The following DCAF5 variants were observed in gnomAD, a reference collection of about 807,000 sequenced individuals.
The protein encoded by DCAF5 is DDB1 and CUL4 associated factor 5, also known as DDB1- and CUL4-associated factor 5.
A neutral mutation model predicts 80.7 loss-of-function variants in DCAF5; 9 were observed. The ratio of observed to expected loss-of-function variants is 0.11; its 90% CI spans 0.07 to 0.19. The LOEUF (loss-of-function observed/expected upper bound fraction) is 0.19, where lower values mean the gene tolerates loss of function less well. DCAF5 is among the 10% of genes least tolerant of loss of function. The pLI is 1.00. For synonymous variants in DCAF5, 433 were observed against 461.9 expected (o/e 0.94, Z 0.80); for missense variants, 842 against 1,205.7 (o/e 0.70, Z 4.47).
intron 5 of DCAF5, among the ~76,000 whole-genome samples, chr14:69,100,102 AATAG>A (rs1425624207): frequency 8.5e-5 from 13 of 152,240 alleles, no homozygotes; most frequent in African/African-American, 2.9e-4. Context: ...TATGCTCAAA[AATAG>A]ATAGTGATAT....
intron 5 of DCAF5, among the ~76,000 whole-genome samples, chr14:69,111,412 T>C (rs2140039370): frequency 6.6e-6 from 1 of 152,348 alleles, no homozygotes; most frequent in South Asian, 2.1e-4. Flanking sequence ...TTTATAGGGA[T>C]TCTCGGCTTG....
At chr14:69,121,893 C>T (rs992352961) in intron 2 of DCAF5, among the ~76,000 whole-genome samples, 2 of 151,948 alleles carry the variant, frequency 1.3e-5, no homozygotes, top group African/African-American at 4.8e-5. Context: ...GAGTGTGCCA[C>T]AAATAGGAAG....
intron 5 of DCAF5, among the ~76,000 whole-genome samples, chr14:69,100,021 T>G (rs1484115197): frequency 6.6e-6 from 1 of 152,172 alleles, no homozygotes; most frequent in Non-Finnish European, 1.5e-5. Context: ...TAAAAGAAAG[T>G]AGATTCATCT....
chr14:69,144,265 T>C (rs1394156621), intron 1 of DCAF5, among the ~76,000 whole-genome samples: 1 of 152,032 alleles, frequency 6.6e-6, no homozygotes, highest in Non-Finnish European at 1.5e-5. Flanking sequence ...ATAATTTTCA[T>C]TGTTATTAAG....
chr14:69,106,467 C>G (rs919942737), intron 5 of DCAF5, among the ~76,000 whole-genome samples: 1 of 152,116 alleles, frequency 6.6e-6, no homozygotes. Flanking sequence ...CTCCTGGGCT[C>G]AAGCGATCCT....
chr14:69,070,515 A>G (rs1175359067), intron 7 of DCAF5, among the ~76,000 whole-genome samples: 1 of 152,254 alleles, frequency 6.6e-6, no homozygotes, highest in Admixed American at 6.5e-5. Context: ...CTATTATGTA[A>G]CTTGCTAAGA....
At chr14:69,147,717 C>A (rs2041581774) in intron 1 of DCAF5, among the ~76,000 whole-genome samples, 1 of 152,144 alleles carries the variant, frequency 6.6e-6, no homozygotes, top group Non-Finnish European at 1.5e-5. Context: ...ATGACTCTCC[C>A]CATTCACAAC....
chr14:69,055,340 C>T lies in DCAF5; in HGVS notation c.1346G>A (p.Gly449Glu). ...AGTGTAGCCTGAGCGCTCGCTGACC[C>T]CAGCGTGCAGTTGGAGGATAGTACT... Reference protein sequence around the residue: ...SESTILQLHAGVSERSGYTDS... With the variant: ...SESTILQLHAEVSERSGYTDS... Residue 449 changes from glycine (G) to glutamate (E), a missense_variant, in exon 9 of 9, where the codon GGG becomes GAG. Physicochemically the swap from Gly to Glu is moderately conservative, Grantham distance 98. Transcript: ENST00000341516. The surrounding 1 kb of genome is among the most constrained non-coding windows in gnomAD (Gnocchi z 5.6). 1 of 1,614,146 alleles carries T rather than the reference C, an allele frequency of 6.2e-7. No homozygotes were observed.
intron 5 of DCAF5, among the ~76,000 whole-genome samples, chr14:69,097,915 C>T (rs576938873): frequency 3.2e-4 from 48 of 152,134 alleles, no homozygotes; most frequent in African/African-American, 6.7e-4. Flanking sequence ...AAAGAGCTTC[C>T]TAGCTTGTCT....
At chr14:69,128,193 C>CTTTT (rs554746869) in intron 1 of DCAF5, among the ~76,000 whole-genome samples, 1 of 142,056 alleles carries the variant, frequency 7.0e-6, no homozygotes, top group Admixed American at 7.0e-5. Context: ...TTTTCTTCTT[C>CTTTT]TTTTTTTTTT....
At chr14:69,150,105 A>G (rs955027361) in intron 1 of DCAF5, among the ~76,000 whole-genome samples, 1 of 152,262 alleles carries the variant, frequency 6.6e-6, no homozygotes, top group African/African-American at 2.4e-5. Flanking sequence ...CCAAAACTCT[A>G]TGTTCAAGGA....
intron 5 of DCAF5, among the ~76,000 whole-genome samples, chr14:69,115,812 T>C (rs988072182): frequency 9.2e-5 from 14 of 152,246 alleles, no homozygotes; most frequent in Non-Finnish European, 1.8e-4. Flanking sequence ...CAATGGCTCT[T>C]AACCTTTTGT....
intron 5 of DCAF5, among the ~76,000 whole-genome samples, chr14:69,096,254 T>C (rs931191238): frequency 6.6e-6 from 1 of 152,176 alleles, no homozygotes; most frequent in African/African-American, 2.4e-5. Context: ...GTTTTCCTAA[T>C]GCACTCCTCA....
At chr14:69,083,425 C>T (rs868176327) in intron 6 of DCAF5, 16 of 306,684 alleles carry the variant, frequency 5.2e-5, no homozygotes, top group Admixed American at 1.9e-4. Context: ...GAAACTCCTA[C>T]GCAAGAAGAT....
chr14:69,085,682 G>C (rs905633977), intron 6 of DCAF5, among the ~76,000 whole-genome samples: 13 of 152,136 alleles, frequency 8.5e-5, no homozygotes, highest in Non-Finnish European at 1.6e-4. Flanking sequence ...ACATACAAAT[G>C]TATGTTACTG....
chr14:69,089,806 G>T, intron 6 of DCAF5: 1 of 493,388 alleles, frequency 2.0e-6, no homozygotes, highest in Non-Finnish European at 2.6e-6. Flanking sequence ...AACTTAGGAT[G>T]ATATTACCGG....
chr14:69,083,456 T>C (rs769167222), intron 6 of DCAF5: 42 of 324,380 alleles, frequency 1.3e-4, no homozygotes, highest in Admixed American at 1.2e-3. Flanking sequence ...AACCTCAAAC[T>C]GCGGCAGTGG....
intron 6 of DCAF5, chr14:69,083,743 G>A (rs1235272005): frequency 6.0e-6 from 4 of 663,574 alleles, no homozygotes; most frequent in Non-Finnish European, 1.1e-5. Flanking sequence ...GGTGAATGAT[G>A]CTGAGTCTGA....
At position 69,112,752 on chromosome 14, in the gene DCAF5, C is replaced by T. The variant is rs181169927; in HGVS notation, c.665+3614G>A. On this transcript the variant is annotated intron_variant, in intron 5 of 8. Transcript: ENST00000341516. The stretch of plus-strand genomic sequence containing the variant: ...GTAATTATTCATATGATGGTCAATA[C>T]TCCGATGGCACGTAATGCTTAATAA... Among the ~76,000 whole-genome samples the T allele has an allele frequency of 5.9e-5, 9 of 152,202 alleles. No homozygotes were observed. The East Asian group carries it at 1.5e-3, about 26-fold the overall frequency.
Sources: allele counts gnomAD v4.1 joint callset (sites outside exome capture counted in the v4.1 genomes callset), GRCh38; gene constraint gnomAD v4.1.1; non-coding constraint Gnocchi (gnomAD v3.1); transcripts MANE v1.5; gene names NCBI Gene and HGNC (gene_info 2026-07-23, HGNC 2026-07-21).